The following HIVEP3 variants were observed in gnomAD, a reference collection of about 807,000 sequenced individuals.
The protein encoded by HIVEP3 is HIVEP zinc finger 3.
A neutral mutation model predicts 152.8 loss-of-function variants in HIVEP3; 49 were observed. That is an observed-to-expected ratio of 0.32 (90% CI 0.26 to 0.41). The LOEUF (loss-of-function observed/expected upper bound fraction) is 0.41, where lower values mean the gene tolerates loss of function less well. Among genes scored for constraint, HIVEP3 ranks in the 10% least tolerant of loss-of-function variants. HIVEP3 has a pLI of 1.00. For missense variants in HIVEP3, 2,790 were observed against 3,103.3 expected, an observed-to-expected ratio of 0.90 and a Z score of 2.40; for synonymous variants, 1,269 against 1,289.0, an observed-to-expected ratio of 0.98 and a Z score of 0.33.
chr1:41,825,844 G>A (rs1642788071), intron 1 of HIVEP3, among the ~76,000 whole-genome samples: 1 of 152,084 alleles, frequency 6.6e-6, no homozygotes, highest in South Asian at 2.1e-4. Flanking sequence ...CTGGGCTCAA[G>A]TGATCTGCCC....
intron 2 of HIVEP3, among the ~76,000 whole-genome samples, chr1:41,634,254 G>C (rs1477089540): frequency 1.3e-5 from 2 of 152,050 alleles, no homozygotes; most frequent in Admixed American, 1.3e-4. Context: ...AAGGTGAAGT[G>C]AAGTCTAAAC....
intron 1 of HIVEP3, chr1:41,847,909 A>C (rs536009594): frequency 9.8e-5 from 15 of 152,714 alleles, no homozygotes; most frequent in African/African-American, 3.1e-4. Context: ...ACCAGGAGAC[A>C]CACTGATCTG....
chr1:41,724,464 A>T (rs1646723433), intron 1 of HIVEP3, among the ~76,000 whole-genome samples: 1 of 152,258 alleles, frequency 6.6e-6, no homozygotes, highest in South Asian at 2.1e-4. Context: ...CGTCCACCAC[A>T]GAAGGCCATT....
chr1:41,822,934 G>T (rs1035183636), intron 1 of HIVEP3, among the ~76,000 whole-genome samples: 2 of 152,096 alleles, frequency 1.3e-5, no homozygotes, highest in African/African-American at 4.8e-5. Context: ...CCTTCATGAC[G>T]CTATGGACTG....
chr1:41,835,111 A>G (rs1405154419), intron 1 of HIVEP3, among the ~76,000 whole-genome samples: 13 of 152,250 alleles, frequency 8.5e-5, no homozygotes. Flanking sequence ...CTTAGCATGT[A>G]AGCTCCAAGG....
At chr1:41,851,156 T>C (rs1399709462) in intron 1 of HIVEP3, among the ~76,000 whole-genome samples, 7 of 152,164 alleles carry the variant, frequency 4.6e-5, no homozygotes, top group Non-Finnish European at 8.8e-5. Context: ...GGGCAGGAAC[T>C]TTACCTTTCT....
At chr1:41,616,600 A>G in intron 3 of HIVEP3, among the ~76,000 whole-genome samples, 1 of 140,466 alleles carries the variant, frequency 7.1e-6, no homozygotes, top group African/African-American at 2.7e-5. Context: ...AGGGTATAGG[A>G]AGTGGGGAAG....
intron 1 of HIVEP3, among the ~76,000 whole-genome samples, chr1:42,005,346 CATATAT>C (rs776519799): frequency 6.6e-6 from 1 of 152,024 alleles, no homozygotes; most frequent in Admixed American, 6.6e-5. Flanking sequence ...CGCACACATA[CATATAT>C]ATGTATACAT....
At position 41,524,783 on chromosome 1, in the gene HIVEP3, C is replaced by G; in HGVS notation, c.5335G>C (p.Val1779Leu). The change falls in exon 6 of 9, where the codon GTC becomes CTC. Residue 1779 changes from valine (V) to leucine (L), a missense_variant. Transcript: ENST00000372583. ...LKKHIRTHTD[V>L]RPYVCKHCHF... ...CAGTGCTTGCACACATAGGGCCGGA[C>G]GTCAGTGTGGGTGCGGATGTGTTTC... is the stretch of plus-strand genomic sequence containing the variant. 6.2e-7 allele frequency: 1 copy of G among 1,614,140 alleles called. No homozygotes were observed. The highest frequency in any genetic ancestry group is 1.7e-5 in the Admixed American group (1 of 60,026).
intron 1 of HIVEP3, among the ~76,000 whole-genome samples, chr1:41,824,778 TATATATAGAG>T (rs1642730902): frequency 7.8e-5 from 1 of 12,748 alleles, no homozygotes; most frequent in African/African-American, 2.5e-4. Context: ...TATATATATA[TATATATAGAG>T]AGAGAGAGAG....
At chr1:41,573,656 C>T (rs752506314) in intron 5 of HIVEP3, among the ~76,000 whole-genome samples, 7 of 152,156 alleles carry the variant, frequency 4.6e-5, no homozygotes, top group Non-Finnish European at 1.0e-4. Context: ...TGAATTATAG[C>T]CTTCATATGG....
At chr1:41,743,329 C>T (rs894692465) in intron 1 of HIVEP3, among the ~76,000 whole-genome samples, 7 of 152,148 alleles carry the variant, frequency 4.6e-5, no homozygotes, top group Non-Finnish European at 7.4e-5. Flanking sequence ...CTTGCCACCA[C>T]GTAAGCTTTG....
intron 1 of HIVEP3, among the ~76,000 whole-genome samples, chr1:41,712,615 C>T (rs966402376): frequency 6.6e-6 from 1 of 152,162 alleles, no homozygotes; most frequent in Non-Finnish European, 1.5e-5. Context: ...AAGGCTCTGC[C>T]CTTCTGAGTG....
intron 1 of HIVEP3, among the ~76,000 whole-genome samples, chr1:41,727,228 T>A (rs928165919): frequency 6.6e-6 from 1 of 152,172 alleles, no homozygotes; most frequent in Non-Finnish European, 1.5e-5. Context: ...CTTCCTCCCA[T>A]CTCATAGATG....
intron 3 of HIVEP3, among the ~76,000 whole-genome samples, chr1:41,589,144 G>A (rs1644548672): frequency 6.6e-6 from 1 of 152,194 alleles, no homozygotes; most frequent in Admixed American, 6.5e-5. Flanking sequence ...CACTTTTCCA[G>A]GGAATTGGTG....
intron 1 of HIVEP3, among the ~76,000 whole-genome samples, chr1:41,946,918 G>A (rs1398689247): frequency 6.6e-6 from 1 of 152,134 alleles, no homozygotes; most frequent in African/African-American, 2.4e-5. Context: ...GACAGTGGAG[G>A]CTAGTACAAG....
intron 1 of HIVEP3, among the ~76,000 whole-genome samples, chr1:41,837,028 C>T (rs1402945180): frequency 2.0e-5 from 3 of 152,218 alleles, no homozygotes; most frequent in Non-Finnish European, 4.4e-5. Context: ...CTACAAGAGC[C>T]TATAGGATTG....
chr1:41,514,192 G>A (rs1174237165), intron 7 of HIVEP3, among the ~76,000 whole-genome samples: 1 of 152,126 alleles, frequency 6.6e-6, no homozygotes, highest in African/African-American at 2.4e-5. Context: ...TAGCATCTCA[G>A]TGCTGGCTTC....
intron 4 of HIVEP3, among the ~76,000 whole-genome samples, chr1:41,576,270 C>G (rs1644325920): frequency 6.6e-6 from 1 of 152,238 alleles, no homozygotes; most frequent in South Asian, 2.1e-4. Context: ...AGGACCCTGA[C>G]CAGCAGGACG....
Sources: gnomAD v4.1 joint callset for allele counts (sites outside exome capture counted in the v4.1 genomes callset) on GRCh38, gnomAD v4.1.1 for gene constraint, MANE v1.5 for transcripts, NCBI Gene and HGNC (gene_info 2026-07-23, HGNC 2026-07-21) for gene names.